SPOCK3: variants seen among roughly 807,000 people sequenced by gnomAD.
SPOCK3 encodes the protein testican-3.
SPOCK3 carries 30 observed loss-of-function variants against 56.6 expected under a neutral mutation model. The ratio of observed to expected loss-of-function variants is 0.53; its 90% CI spans 0.40 to 0.72. The LOEUF is 0.72. Among genes scored for constraint, SPOCK3 ranks in the 30% least tolerant of loss-of-function variants. The pLI, the probability that SPOCK3 is intolerant of heterozygous loss-of-function variation, is 0.00. For missense variants in SPOCK3, 527 were observed against 530.0 expected (o/e 0.99, Z 0.06); for synonymous variants, 196 against 183.3 (o/e 1.07, Z -0.56).
chr4:167,095,667 G>A (rs1473237527), intron 2 of SPOCK3, among the ~76,000 whole-genome samples: 1 of 151,774 alleles, frequency 6.6e-6, no homozygotes, highest in Non-Finnish European at 1.5e-5. Context: ...CAAATAGTAT[G>A]AAGGACTCTG....
intron 4 of SPOCK3, among the ~76,000 whole-genome samples, chr4:166,985,500 T>C (rs890640847): frequency 6.6e-6 from 1 of 152,198 alleles, no homozygotes; most frequent in Non-Finnish European, 1.5e-5. Context: ...TTGTACTCAT[T>C]ATCTGTTTTT....
intron 6 of SPOCK3, among the ~76,000 whole-genome samples, chr4:166,869,254 C>A (rs1214452064): frequency 1.3e-5 from 2 of 150,978 alleles, no homozygotes; most frequent in African/African-American, 2.4e-5. Context: ...TCAGTTCAAG[C>A]AATCAGAGTT....
In SPOCK3 at chr4:166,822,556, C is replaced by T. The variant is rs575034065; in HGVS notation, c.590-30267G>A. 9.9e-5 allele frequency among the ~76,000 whole-genome samples: 15 copies of T among 152,108 alleles called. No homozygotes were observed. The South Asian group carries it at 1.2e-3, about 13-fold the overall frequency. ...CTCATAGGATGTCTGATCTCTCATG[C>T]GGAGAACTGGCAGCTAAGCTGATTG... On this transcript the variant is annotated intron_variant, in intron 6 of 10. Coordinates refer to ENST00000357545, the MANE Select transcript of SPOCK3 (RefSeq NM_001040159.2).
chr4:167,086,254 CTTGTT>C (rs1758186252), intron 2 of SPOCK3, among the ~76,000 whole-genome samples: 1 of 152,020 alleles, frequency 6.6e-6, no homozygotes, highest in Admixed American at 6.6e-5. Context: ...AATTTTAGTC[CTTGTT>C]TTGTTATTGC....
chr4:166,863,655 C>T (rs1404371685), intron 6 of SPOCK3, among the ~76,000 whole-genome samples: 1 of 151,934 alleles, frequency 6.6e-6, no homozygotes, highest in Non-Finnish European at 1.5e-5. Flanking sequence ...TCTGATAAAA[C>T]AGACTTTAAA....
intron 2 of SPOCK3, among the ~76,000 whole-genome samples, chr4:167,215,406 T>C (rs995866459): frequency 2.0e-5 from 3 of 151,854 alleles, no homozygotes; most frequent in African/African-American, 4.8e-5. Flanking sequence ...CAGGGACTCA[T>C]GAAAAAGACA....
chr4:166,933,404 C>G (rs528026511), intron 4 of SPOCK3, among the ~76,000 whole-genome samples: 85 of 152,262 alleles, frequency 5.6e-4, no homozygotes, highest in Non-Finnish European at 1.1e-3. Context: ...GCTCTGGATG[C>G]CCAGCCATAA....
At chr4:167,089,335 A>G (rs1428650559) in intron 2 of SPOCK3, among the ~76,000 whole-genome samples, 1 of 152,154 alleles carries the variant, frequency 6.6e-6, no homozygotes, top group Non-Finnish European at 1.5e-5. Context: ...AGGAAGTGGC[A>G]TGAGTTAAGA....
intron 6 of SPOCK3, among the ~76,000 whole-genome samples, chr4:166,813,082 G>A (rs535583334): frequency 1.3e-5 from 2 of 152,032 alleles, no homozygotes; most frequent in Non-Finnish European, 2.9e-5. Context: ...CACTGTTTCA[G>A]ATTAATGTTC....
At chr4:167,197,737 A>T (rs34780953) in intron 2 of SPOCK3, among the ~76,000 whole-genome samples, 6,207 of 152,244 alleles carry the variant, frequency 0.041, 171 homozygotes, top group Middle Eastern at 0.075. Flanking sequence ...ATCTGATGTT[A>T]TGTTTTAAGT....
intron 2 of SPOCK3, among the ~76,000 whole-genome samples, chr4:167,161,218 A>C (rs1165537564): frequency 3.9e-5 from 6 of 152,140 alleles, no homozygotes; most frequent in Non-Finnish European, 7.4e-5. Context: ...CCCCATTAAC[A>C]AGTGGGCGAA....
At chr4:167,185,567 C>T (rs1731874781) in intron 2 of SPOCK3, among the ~76,000 whole-genome samples, 2 of 152,138 alleles carry the variant, frequency 1.3e-5, no homozygotes, top group African/African-American at 2.4e-5. Flanking sequence ...TCAAGTTTCC[C>T]TGTATAAATG....
rs569597996 is a variant in SPOCK3, at chr4:167,073,721, C to T, written c.190-11184G>A. 7.0e-4 allele frequency among the ~76,000 whole-genome samples: 106 copies of T among 151,740 alleles called. 1 individual carries two copies. Among genetic ancestry groups the T allele is most frequent in the Middle Eastern group, 6.8e-3 (2 of 294 alleles). On this transcript the variant is annotated intron_variant, in intron 2 of 10. Transcript: ENST00000357545. ...TTAAGATGCTATTTTTAATTTATTT[C>T]ATTGTTGTTATTTGGTTTCTACATG...
At chr4:166,796,611 C>A (rs940222998) in intron 6 of SPOCK3, among the ~76,000 whole-genome samples, 3 of 152,096 alleles carry the variant, frequency 2.0e-5, no homozygotes, top group African/African-American at 7.2e-5. Context: ...GTGATTTAAA[C>A]AAATTCAGTA....
At chr4:167,179,020 T>A (rs1731222302) in intron 2 of SPOCK3, among the ~76,000 whole-genome samples, 1 of 152,150 alleles carries the variant, frequency 6.6e-6, no homozygotes, top group Admixed American at 6.6e-5. Flanking sequence ...TTTTCCAGAA[T>A]TATTTTTGGG....
chr4:167,211,606 A>G (rs529985744), intron 2 of SPOCK3, among the ~76,000 whole-genome samples: 1 of 152,240 alleles, frequency 6.6e-6, no homozygotes, highest in Non-Finnish European at 1.5e-5. Flanking sequence ...TGATGGTTTT[A>G]AAAAGGGAAG....
At chr4:167,181,533 A>T (rs923720123) in intron 2 of SPOCK3, among the ~76,000 whole-genome samples, 5 of 152,148 alleles carry the variant, frequency 3.3e-5, no homozygotes, top group African/African-American at 1.2e-4. Context: ...GTCTTGGCCT[A>T]AAAAGTTGTT....
intron 6 of SPOCK3, among the ~76,000 whole-genome samples, chr4:166,813,174 C>T (rs928423986): frequency 6.6e-6 from 1 of 151,890 alleles, no homozygotes; most frequent in Non-Finnish European, 1.5e-5. Context: ...AAAGTAAATC[C>T]GATCTCATTG....
At chr4:167,207,067 G>A (rs567530631) in intron 2 of SPOCK3, among the ~76,000 whole-genome samples, 7 of 152,074 alleles carry the variant, frequency 4.6e-5, no homozygotes, top group Admixed American at 1.3e-4. Context: ...CCCTATAAAC[G>A]TGCACAACTA....
Sources: allele counts gnomAD v4.1 joint callset (sites outside exome capture counted in the v4.1 genomes callset), GRCh38; gene constraint gnomAD v4.1.1; transcripts MANE v1.5; gene names NCBI Gene and HGNC (gene_info 2026-07-23, HGNC 2026-07-21).